Variants in CDON observed in about 807,000 individuals in gnomAD.
CDON encodes the protein cell adhesion associated, oncogene regulated, also known as cell adhesion molecule-related/down-regulated by oncogenes.
Under a neutral mutation model 120.9 loss-of-function variants are expected in CDON, and 73 were observed. The observed-to-expected ratio is 0.60, with a 90% confidence interval of 0.50 to 0.73. The LOEUF (loss-of-function observed/expected upper bound fraction) is 0.73. CDON is among the 30% of genes least tolerant of loss of function. The pLI is 0.00. For missense variants in CDON, 1,470 were observed against 1,587.3 expected (o/e 0.93, Z 1.26); for synonymous variants, 566 against 573.5 (o/e 0.99, Z 0.19).
intron 18 of CDON, among the ~76,000 whole-genome samples, chr11:125,966,637 C>A (rs186831224): frequency 9.2e-5 from 14 of 151,966 alleles, no homozygotes; most frequent in African/African-American, 3.4e-4. Flanking sequence ...GGACCCCAGG[C>A]AGAATACAAA....
At chr11:126,019,553 T>C in intron 4 of CDON, 66 bp downstream of exon 4, 1 of 1,563,582 alleles carries the variant, frequency 6.4e-7, no homozygotes, top group Non-Finnish European at 8.8e-7. Context: ...ACACAGAGCT[T>C]AGAAGTAGCT....
At chr11:126,045,506 T>C (rs1368813084) in intron 1 of CDON, among the ~76,000 whole-genome samples, 2 of 152,160 alleles carry the variant, frequency 1.3e-5, no homozygotes, top group Admixed American at 6.5e-5. Context: ...TAAAATATTA[T>C]TTTAAATTTT....
chr11:126,050,614 G>A (rs1482358227), intron 1 of CDON, among the ~76,000 whole-genome samples: 1 of 151,688 alleles, frequency 6.6e-6, no homozygotes. Context: ...ATCAGAAACA[G>A]GAAAGGAGAA....
intron 13 of CDON, 33 bp downstream of exon 13, chr11:125,994,838 C>T (rs1946733301): frequency 6.3e-7 from 1 of 1,588,832 alleles, no homozygotes; most frequent in Admixed American, 1.7e-5. Flanking sequence ...ATGACCAAAC[C>T]ACAAAATCTC....
chr11:126,049,983 G>A (rs1591432690), intron 1 of CDON, among the ~76,000 whole-genome samples: 1 of 152,110 alleles, frequency 6.6e-6, no homozygotes. Flanking sequence ...GAATTTCTAA[G>A]CATCCAAGTA....
At chr11:125,996,721 AAAG>A (rs1946796858) in intron 12 of CDON, among the ~76,000 whole-genome samples, 1 of 150,750 alleles carries the variant, frequency 6.6e-6, no homozygotes, top group Admixed American at 6.6e-5. Flanking sequence ...AAAAAAAAAA[AAAG>A]GCTAAGAAAA....
intron 5 of CDON, among the ~76,000 whole-genome samples, chr11:126,017,745 T>C (rs1269050800): frequency 1.3e-5 from 2 of 151,368 alleles, no homozygotes; most frequent in Non-Finnish European, 2.9e-5. Flanking sequence ...ATCAATTTAA[T>C]GACCACTACT....
intron 1 of CDON, among the ~76,000 whole-genome samples, chr11:126,033,419 C>G (rs1948003042): frequency 6.6e-6 from 1 of 152,074 alleles, no homozygotes; most frequent in African/African-American, 2.4e-5. Context: ...AACTATGGCT[C>G]AGGCTGAATC....
chr11:126,025,502 G>A (rs10458992), intron 1 of CDON, among the ~76,000 whole-genome samples: 30,778 of 151,756 alleles, frequency 0.2, 3,346 homozygotes, highest in Non-Finnish European at 0.22. Flanking sequence ...GAAGACAAAT[G>A]GTAGTCAAGA....
intron 18 of CDON, among the ~76,000 whole-genome samples, chr11:125,966,491 G>A (rs1380837949): frequency 2.6e-5 from 4 of 152,180 alleles, no homozygotes; most frequent in South Asian, 2.1e-4. Context: ...ACCGTATGGC[G>A]AAAAACTCTG....
At chr11:126,011,505 G>A (rs1947301927) in intron 7 of CDON, among the ~76,000 whole-genome samples, 1 of 152,176 alleles carries the variant, frequency 6.6e-6, no homozygotes, top group South Asian at 2.1e-4. Context: ...ATCTTTGCAT[G>A]TGATTATGCG....
At chr11:125,997,941 T>A (rs928225078) in intron 11 of CDON, among the ~76,000 whole-genome samples, 4 of 152,218 alleles carry the variant, frequency 2.6e-5, no homozygotes, top group African/African-American at 9.7e-5. Context: ...AGATAAAATC[T>A]GACTGATAAA....
intron 1 of CDON, among the ~76,000 whole-genome samples, chr11:126,047,281 A>C (rs1242820208): frequency 6.6e-6 from 1 of 152,138 alleles, no homozygotes; most frequent in African/African-American, 2.4e-5. Flanking sequence ...AAAGCAAGAA[A>C]ATCAAGATGG....
intron 1 of CDON, among the ~76,000 whole-genome samples, chr11:126,050,525 C>G (rs943058378): frequency 1.1e-4 from 17 of 150,794 alleles, no homozygotes; most frequent in African/African-American, 4.1e-4. Flanking sequence ...CACACACACA[C>G]ACACACAAAC....
chr11:126,023,151 T>A (rs1269255670), intron 2 of CDON, among the ~76,000 whole-genome samples: 4 of 23,520 alleles, frequency 1.7e-4, no homozygotes, highest in Non-Finnish European at 3.1e-4. Context: ...AAATATGTAT[T>A]TTTTTTTAAA....
intron 1 of CDON, among the ~76,000 whole-genome samples, chr11:126,048,066 C>T (rs768124484): frequency 6.6e-6 from 1 of 151,964 alleles, no homozygotes. Context: ...CACTTGAGGT[C>T]GGAAGTTCAA....
chr11:126,022,117 A>G (rs1006236517), intron 2 of CDON, among the ~76,000 whole-genome samples: 14 of 151,142 alleles, frequency 9.3e-5, no homozygotes, highest in Non-Finnish European at 1.8e-4. Context: ...AAAAAAAAAA[A>G]AAAAAAAAGA....
intron 6 of CDON, among the ~76,000 whole-genome samples, 181 bp downstream of exon 6, chr11:126,016,907 A>T (rs1242267491): frequency 6.6e-6 from 1 of 152,156 alleles, no homozygotes; most frequent in African/African-American, 2.4e-5. Flanking sequence ...GAAATGCTCT[A>T]TGCCACCCAG....
rs148169879 is a variant in CDON, at chr11:126,000,100, C to T, written c.2158+1619G>A. Reference sequence around the variant, plus strand: ...TTAGATATTTCTCGTGAACCCATAACACCAAGGGTATAATCTCGAGCATAA... The same window carrying T: ...TTAGATATTTCTCGTGAACCCATAATACCAAGGGTATAATCTCGAGCATAA... On this transcript the variant is annotated intron_variant, in intron 11 of 19. Coordinates refer to ENST00000531738, the MANE Select transcript of CDON (RefSeq NM_001378964.1). 5.7e-3 allele frequency among the ~76,000 whole-genome samples: 867 copies of T among 152,336 alleles called. 14 individuals carry two copies. The highest frequency in any genetic ancestry group is 0.017 in the African/African-American group (699 of 41,570).
Sources: gnomAD v4.1 joint callset for allele counts (sites outside exome capture counted in the v4.1 genomes callset) on GRCh38, gnomAD v4.1.1 for gene constraint, MANE v1.5 for transcripts, NCBI Gene and HGNC (gene_info 2026-07-23, HGNC 2026-07-21) for gene names.